Variants in SUCLA2 observed in about 807,000 individuals in gnomAD.
SUCLA2 encodes the protein succinate--CoA ligase [ADP-forming] subunit beta, mitochondrial.
A neutral mutation model predicts 54.8 loss-of-function variants in SUCLA2; 30 were observed. That is an observed-to-expected ratio of 0.55 (90% confidence interval 0.41 to 0.74). SUCLA2 has a LOEUF of 0.74. SUCLA2 is among the 30% of genes least tolerant of loss of function. The probability of loss-of-function intolerance (pLI) is 0.00; values close to 1 mark genes in which losing one functional copy is unlikely to be tolerated. For synonymous variants in SUCLA2, 172 were observed against 188.9 expected, an observed-to-expected ratio of 0.91 and a Z score of 0.74; for missense variants, 476 against 562.9, an observed-to-expected ratio of 0.85 and a Z score of 1.56.
intron 9 of SUCLA2, 125 bp from the exon 10 acceptor site, chr13:47,949,153 C>G (rs962443531): frequency 1.0e-6 from 1 of 963,498 alleles, no homozygotes; most frequent in African/African-American, 1.6e-5. Context: ...TTAGTATAAA[C>G]ACTTCTAAAC....
At chr13:47,988,193 ACTTTCT>A in intron 4 of SUCLA2, 1 of 295,246 alleles carries the variant, frequency 3.4e-6, no homozygotes, top group East Asian at 6.2e-5. Flanking sequence ...GGGTTCAGCA[ACTTTCT>A]CTTTCATTAG....
At chr13:47,981,397 T>C (rs1045015519) in intron 4 of SUCLA2, among the ~76,000 whole-genome samples, 1 of 151,944 alleles carries the variant, frequency 6.6e-6, no homozygotes, top group African/African-American at 2.4e-5. Flanking sequence ...GAAATGCAAA[T>C]AAAAACCACA....
intron 10 of SUCLA2, 117 bp downstream of exon 10, chr13:47,948,823 C>T (rs1949755098): frequency 1.0e-6 from 1 of 977,478 alleles, no homozygotes; most frequent in South Asian, 1.3e-5. Context: ...TTTTCTTTAA[C>T]CATTCATTAC....
chr13:47,995,648 G>A (rs2137752321), intron 2 of SUCLA2, among the ~76,000 whole-genome samples: 1 of 152,088 alleles, frequency 6.6e-6, no homozygotes, highest in South Asian at 2.1e-4. Flanking sequence ...TAAAAGCAAA[G>A]TATTCACCAA....
At chr13:47,962,287 C>T (rs758664953) in intron 6 of SUCLA2, among the ~76,000 whole-genome samples, 12 of 152,152 alleles carry the variant, frequency 7.9e-5, no homozygotes, top group Non-Finnish European at 1.8e-4. Flanking sequence ...AATTTGGAAA[C>T]TGTGAATATT....
intron 2 of SUCLA2, among the ~76,000 whole-genome samples, chr13:47,993,186 C>T (rs147192366): frequency 0.027 from 4,132 of 152,260 alleles, 90 homozygotes; most frequent in South Asian, 0.081. Flanking sequence ...GAGCCATGAT[C>T]ACACCACTGC....
At chr13:47,959,503 GGGAGGAGGA>G (rs71099649) in intron 6 of SUCLA2, among the ~76,000 whole-genome samples, 3 of 18,782 alleles carry the variant, frequency 1.6e-4, no homozygotes, top group Admixed American at 6.9e-4. Context: ...GGGGAGCGGG[GGGAGGAGGA>G]GGAGGAGGAG....
Position 47,943,346 on chromosome 13 carries a change from T to G in SUCLA2, c.*25A>C. ...TAATGATTATAGCACATTTAACACC[T>G]TCAGCCATCCACTGGGTTTTCAGAT... On this transcript the variant is annotated 3_prime_UTR_variant, in exon 11 of 11. Coordinates refer to ENST00000646932, the MANE Select transcript of SUCLA2 (RefSeq NM_003850.3). The G allele has an allele frequency of 1.2e-6, 2 of 1,609,016 alleles. No homozygotes were observed. The highest frequency in any genetic ancestry group is 1.7e-6 in the Non-Finnish European group (2 of 1,175,518).
intron 10 of SUCLA2, among the ~76,000 whole-genome samples, chr13:47,946,813 T>C (rs1949735892): frequency 6.6e-6 from 1 of 152,060 alleles, no homozygotes; most frequent in African/African-American, 2.4e-5. Flanking sequence ...TGAATAATTA[T>C]GATAGTATGG....
chr13:47,968,902 T>A (rs1206945258), intron 5 of SUCLA2, among the ~76,000 whole-genome samples, 169 bp from the exon 6 acceptor site: 1 of 152,200 alleles, frequency 6.6e-6, no homozygotes, highest in African/African-American at 2.4e-5. Context: ...CAAAACTTTT[T>A]ATTCAAAATC....
At chr13:47,963,328 A>G (rs1949887371) in intron 6 of SUCLA2, among the ~76,000 whole-genome samples, 1 of 152,240 alleles carries the variant, frequency 6.6e-6, no homozygotes, top group African/African-American at 2.4e-5. Context: ...AGTTATCAGT[A>G]TAAATTTGGA....
At chr13:47,962,128 T>G (rs190460272) in intron 6 of SUCLA2, among the ~76,000 whole-genome samples, 65 of 152,292 alleles carry the variant, frequency 4.3e-4, no homozygotes, top group Middle Eastern at 3.4e-3. Flanking sequence ...TTGATGATTC[T>G]TTTGTTTGTT....
rs773605545 is a variant in SUCLA2 at position 47,996,903 on chromosome 13, C to A, written c.211G>T (p.Val71Phe). The A allele has an allele frequency of 4.0e-5, 65 of 1,613,854 alleles. 1 individual carries two copies. The highest frequency in any genetic ancestry group is 5.2e-5 in the Non-Finnish European group (61 of 1,179,944). Reference protein sequence around the residue: ...MELLQEAGVSVPKGYVAKSPD... With the variant: ...MELLQEAGVSFPKGYVAKSPD... ...GACTTTGCCACATATCCTTTGGGAA[C>A]GGAGACACCAGCTTCTTGCAATAAT... The change falls in exon 2 of 11, where the codon GTT becomes TTT. Residue 71 changes from valine to phenylalanine, a missense_variant. Val to Phe is a conservative substitution (Grantham distance 50). Transcript: ENST00000646932.
intron 1 of SUCLA2, chr13:48,000,956 GC>G: frequency 1.4e-6 from 2 of 1,402,932 alleles, no homozygotes; most frequent in Non-Finnish European, 1.9e-6. Flanking sequence ...CGGCCGGGCC[GC>G]CGGGGATCCT....
chr13:47,956,981 G>C (rs1018083813), intron 6 of SUCLA2: 1 of 152,134 alleles, frequency 6.6e-6, no homozygotes, highest in African/African-American at 2.4e-5. Context: ...GATCTTTCTG[G>C]TCTTAAAGCT....
chr13:47,978,532 T>G (rs1284631677), intron 4 of SUCLA2, among the ~76,000 whole-genome samples: 2 of 152,196 alleles, frequency 1.3e-5, no homozygotes, highest in African/African-American at 2.4e-5. Flanking sequence ...GATTAAAGAC[T>G]TAAATGTAAG....
intron 6 of SUCLA2, among the ~76,000 whole-genome samples, chr13:47,965,808 G>A (rs193241930): frequency 2.3e-4 from 35 of 152,246 alleles, no homozygotes; most frequent in African/African-American, 8.2e-4. Flanking sequence ...CAGGACTTTC[G>A]GAGGCCGAGG....
At position 47,949,568 on chromosome 13, in the gene SUCLA2, G is replaced by A. The variant is rs1459850048; in HGVS notation, c.1143C>T (p.Ile381=). 5.0e-6 allele frequency: 8 copies of A among 1,613,302 alleles called. No homozygotes were observed. The highest frequency in any genetic ancestry group is 1.3e-5 in the African/African-American group (1 of 74,852). ...CCTGTGCAATAACATCACAGCGCAT[G>A]ATTCCTCCAAAAATGTTGACCAGAA... ...LAILVNIFGG[I]MRCDVIAQGI... Residue 381 remains isoleucine (I), a synonymous_variant, in exon 9 of 11, where the codon ATC becomes ATT. Coordinates refer to ENST00000646932, the MANE Select transcript of SUCLA2 (RefSeq NM_003850.3).
chr13:47,964,846 G>C (rs1050367006), intron 6 of SUCLA2, among the ~76,000 whole-genome samples: 8 of 151,586 alleles, frequency 5.3e-5, no homozygotes, highest in Non-Finnish European at 1.2e-4. Flanking sequence ...GACAGAGCAA[G>C]ACCCCGTCTC....
Sources: gnomAD v4.1 joint callset for allele counts (sites outside exome capture counted in the v4.1 genomes callset) on GRCh38, gnomAD v4.1.1 for gene constraint, MANE v1.5 for transcripts, NCBI Gene and HGNC (gene_info 2026-07-23, HGNC 2026-07-21) for gene names.